PTPRD: variants seen among roughly 807,000 people sequenced by gnomAD.
PTPRD encodes the protein receptor-type tyrosine-protein phosphatase delta.
PTPRD carries 34 observed loss-of-function variants against 214.5 expected under a neutral mutation model. The ratio of observed to expected loss-of-function variants is 0.16; its 90% confidence interval spans 0.12 to 0.21. The LOEUF is 0.21. PTPRD is among the 10% of genes least tolerant of loss of function. PTPRD has a pLI of 1.00. For missense variants in PTPRD, 2,545 were observed against 2,398.7 expected, an observed-to-expected ratio of 1.06 and a Z score of -1.27; for synonymous variants, 1,128 against 845.7, an observed-to-expected ratio of 1.33 and a Z score of -5.79.
At chr9:10,356,509 A>G (rs10125887) in intron 2 of PTPRD, among the ~76,000 whole-genome samples, 36,705 of 152,058 alleles carry the variant, frequency 0.24, 4,533 homozygotes, top group South Asian at 0.29. Context: ...ATAAAACTAT[A>G]TAGGCACTTA....
At chr9:10,161,743 A>G (rs906504956) in intron 3 of PTPRD, among the ~76,000 whole-genome samples, 7 of 151,914 alleles carry the variant, frequency 4.6e-5, no homozygotes, top group African/African-American at 1.7e-4. Flanking sequence ...GAAACAGTCA[A>G]TAAAATAAAG....
At chr9:9,672,889 G>A (rs1197069692) in intron 7 of PTPRD, among the ~76,000 whole-genome samples, 2 of 152,070 alleles carry the variant, frequency 1.3e-5, no homozygotes, top group Non-Finnish European at 2.9e-5. Context: ...ATGGTAAAAT[G>A]CATGCATTAA....
intron 3 of PTPRD, among the ~76,000 whole-genome samples, chr9:10,157,413 G>T (rs2099100194): frequency 6.6e-6 from 1 of 152,172 alleles, no homozygotes; most frequent in African/African-American, 2.4e-5. Context: ...AAGACATGAA[G>T]TTCTGGATTT....
intron 7 of PTPRD, among the ~76,000 whole-genome samples, chr9:9,663,367 A>C (rs1411247786): frequency 6.6e-6 from 1 of 151,614 alleles, no homozygotes; most frequent in East Asian, 1.9e-4. Flanking sequence ...TTTCAAAGAA[A>C]TACTAAAGAA....
At chr9:10,379,595 G>A (rs764038307) in intron 2 of PTPRD, among the ~76,000 whole-genome samples, 1 of 151,950 alleles carries the variant, frequency 6.6e-6, no homozygotes, top group Non-Finnish European at 1.5e-5. Context: ...TCTACTGTAA[G>A]TATTTAAAGA....
intron 3 of PTPRD, among the ~76,000 whole-genome samples, chr9:10,119,102 G>A (rs2098754476): frequency 6.6e-6 from 1 of 151,882 alleles, no homozygotes; most frequent in Non-Finnish European, 1.5e-5. Flanking sequence ...CTAAGTAATA[G>A]TACTGCTGAG....
At chr9:9,371,159 C>T (rs1003450375) in intron 9 of PTPRD, among the ~76,000 whole-genome samples, 8 of 151,778 alleles carry the variant, frequency 5.3e-5, no homozygotes, top group Non-Finnish European at 8.8e-5. Context: ...CCTCTTTTTC[C>T]ATTAATTGTA....
At chr9:8,576,036 T>C (rs1012702910) in intron 14 of PTPRD, among the ~76,000 whole-genome samples, 2 of 152,328 alleles carry the variant, frequency 1.3e-5, no homozygotes, top group East Asian at 3.9e-4. Flanking sequence ...CATGTTGTAA[T>C]GGATGATACT....
intron 3 of PTPRD, among the ~76,000 whole-genome samples, chr9:10,162,674 T>C (rs1360767842): frequency 6.8e-6 from 1 of 147,430 alleles, no homozygotes; most frequent in South Asian, 2.1e-4. Flanking sequence ...TATATGTATA[T>C]ACATGTATAT....
chr9:8,521,230 T>C (rs1056201405), intron 20 of PTPRD, 47 bp downstream of exon 20: 15 of 1,557,930 alleles, frequency 9.6e-6, no homozygotes, highest in African/African-American at 1.4e-5. Context: ...ATTAGTCACT[T>C]GGCTTGAGTG....
chr9:10,422,964 C>G (rs980550649), intron 2 of PTPRD, among the ~76,000 whole-genome samples: 3 of 152,006 alleles, frequency 2.0e-5, no homozygotes, highest in Admixed American at 2.0e-4. Context: ...GGTATATACC[C>G]AAAGGATTAT....
chr9:9,138,228 C>G (rs967775459), intron 10 of PTPRD, among the ~76,000 whole-genome samples: 29 of 151,810 alleles, frequency 1.9e-4, no homozygotes, highest in African/African-American at 6.8e-4. Flanking sequence ...ATAGCAAAAT[C>G]AATTATATTA....
rs901362638 is a variant in PTPRD at position 8,315,476 on chromosome 9, G to A, written c.*2398C>T. On this transcript the variant is annotated 3_prime_UTR_variant, in exon 46 of 46. Transcript: ENST00000381196. ...TTTGTTTAACTAAAAGAAAATTATA[G>A]CACTGAGTAATCTGGCACTTGGATA... 1.3e-5 allele frequency: 3 copies of A among 232,054 alleles called. No individual in the cohort carries two copies. The highest frequency in any genetic ancestry group is 3.6e-4 in the South Asian group (2 of 5,488). The allele number at this position is 232,054 out of a possible 1,614,324, so 14.4% of individuals were successfully genotyped here.
intron 35 of PTPRD, among the ~76,000 whole-genome samples, chr9:8,408,582 G>A (rs10815856): frequency 0.17 from 25,961 of 152,086 alleles, 2,611 homozygotes; most frequent in Non-Finnish European, 0.23. Context: ...TACATGATAC[G>A]AAATACATAA....
intron 9 of PTPRD, among the ~76,000 whole-genome samples, chr9:9,248,246 C>G (rs888030002): frequency 3.3e-5 from 5 of 151,882 alleles, no homozygotes; most frequent in African/African-American, 1.2e-4. Flanking sequence ...GCGCCCACCA[C>G]AATACTTGGC....
chr9:9,955,565 C>T (rs1442952359), intron 4 of PTPRD, among the ~76,000 whole-genome samples: 1 of 150,488 alleles, frequency 6.6e-6, no homozygotes, highest in Non-Finnish European at 1.5e-5. Flanking sequence ...GCTCTGTCGC[C>T]CAGGCTTGAG....
chr9:8,513,498 G>C (rs1191423929), intron 21 of PTPRD, among the ~76,000 whole-genome samples: 1 of 151,974 alleles, frequency 6.6e-6, no homozygotes, highest in Non-Finnish European at 1.5e-5. Flanking sequence ...AATTAAATGA[G>C]TACCTTTTAG....
chr9:9,638,076 T>A (rs2095828718), intron 7 of PTPRD, among the ~76,000 whole-genome samples: 1 of 152,204 alleles, frequency 6.6e-6, no homozygotes, highest in Admixed American at 6.5e-5. Flanking sequence ...TATCCCATTG[T>A]CTTGATAAAT....
chr9:9,340,904 A>T (rs2046537215), intron 9 of PTPRD, among the ~76,000 whole-genome samples: 1 of 152,180 alleles, frequency 6.6e-6, no homozygotes, highest in South Asian at 2.1e-4. Context: ...ACTACTAGTG[A>T]AGAAAACAGT....
Sources: allele counts gnomAD v4.1 joint callset (sites outside exome capture counted in the v4.1 genomes callset), GRCh38; gene constraint gnomAD v4.1.1; transcripts MANE v1.5; gene names NCBI Gene and HGNC (gene_info 2026-07-23, HGNC 2026-07-21).